Variants in ZNF441 observed in about 807,000 individuals in gnomAD.
The protein encoded by ZNF441 is zinc finger protein 441.
In ZNF441, 25 loss-of-function variants were observed where a neutral mutation model predicts 64.5. That is an observed-to-expected ratio of 0.39 (90% CI 0.28 to 0.54). ZNF441 has a LOEUF of 0.54. Among genes scored for constraint, ZNF441 ranks in the 20% least tolerant of loss-of-function variants. The pLI is 0.70. For missense variants in ZNF441, 715 were observed against 843.3 expected, an observed-to-expected ratio of 0.85 and a Z score of 1.88; for synonymous variants, 262 against 268.0, an observed-to-expected ratio of 0.98 and a Z score of 0.22.
intron 3 of ZNF441, among the ~76,000 whole-genome samples, chr19:11,779,318 C>CAAAA (rs67463970): frequency 1.9e-5 from 2 of 103,424 alleles, no homozygotes; most frequent in African/African-American, 3.2e-5. Flanking sequence ...AACCCAGTTT[C>CAAAA]AAAAAAAAAA....
At chr19:11,777,541 A>G (rs938140111) in intron 1 of ZNF441, 70 bp from the exon 2 acceptor site, 1 of 1,538,780 alleles carries the variant, frequency 6.5e-7, no homozygotes, top group Non-Finnish European at 8.8e-7. Context: ...TGTGAAGGTT[A>G]TGAAGTGAAT....
Position 11,780,557 on chromosome 19 carries a change from A to T in ZNF441, c.733A>T (p.Thr245Ser), listed in dbSNP as rs1975393043. 6.2e-6 allele frequency: 10 copies of T among 1,614,196 alleles called. No individual in the cohort carries two copies. Among genetic ancestry groups the T allele is most frequent in the Non-Finnish European group, 8.5e-6 (10 of 1,180,032 alleles). ...AYSSTLRHER[T>S]HSGEKPYQCK... ...TAGTTCCACTCTAAGACATGAAAGA[A>T]CACACAGTGGAGAGAAACCCTATCA... is the stretch of plus-strand genomic sequence containing the variant. Residue 245 changes from threonine to serine, a missense_variant, in exon 4 of 4, where the codon ACA becomes TCA. Physicochemically the swap from Thr to Ser is moderately conservative, Grantham distance 58. This residue lies in a region of ZNF441 where 399 missense variants were observed against 413.9 expected (regional missense o/e 0.96). Transcript: ENST00000357901.
Position 11,781,995 on chromosome 19 carries a change from G to T in ZNF441, c.*89G>T. Reference sequence around the variant, plus strand: ...ACATAAGAGACTCACACTGAAAAAAGTTGTATGAATATAAAAATGTACTAA... The same window carrying T: ...ACATAAGAGACTCACACTGAAAAAATTTGTATGAATATAAAAATGTACTAA... On this transcript the variant is annotated 3_prime_UTR_variant, in exon 4 of 4. Coordinates refer to ENST00000357901, the MANE Select transcript of ZNF441 (RefSeq NM_152355.3). 9.0e-7 allele frequency: 1 copy of T among 1,117,256 alleles called. No individual in the cohort carries two copies. The highest frequency in any genetic ancestry group is 1.2e-6 in the Non-Finnish European group (1 of 825,480). 69.2% of individuals were successfully genotyped at this position (1,117,256 alleles called of 1,614,324 possible). A position where few individuals can be genotyped will look rare whatever the true frequency, so the allele number is the denominator to read the frequency against.
rs1975409929 is a variant in ZNF441, at chr19:11,782,118, TTGTC to T, written c.*214_*217del. The T allele has an allele frequency of 2.3e-6, 1 of 434,890 alleles. No individual in the cohort carries two copies. Among genetic ancestry groups the T allele is most frequent in the Admixed American group, 3.9e-5 (1 of 25,790 alleles). The allele number at this position is 434,890 out of a possible 1,614,324, so 26.9% of individuals were successfully genotyped here. A position where few individuals can be genotyped will look rare whatever the true frequency, so the allele number is the denominator to read the frequency against. ...TGTGAGGAATATGAAAAAACTTTCT[TTGTC>T]TAGCAAACTTTCAAAGGTGGTTATT... is the stretch of plus-strand genomic sequence containing the variant. On this transcript the variant is annotated 3_prime_UTR_variant, in exon 4 of 4. Coordinates refer to ENST00000357901, the MANE Select transcript of ZNF441 (RefSeq NM_152355.3).
Position 11,780,621 on chromosome 19 carries a change from A to G in ZNF441, c.797A>G (p.Tyr266Cys), listed in dbSNP as rs1028319956. 1 of 1,614,106 alleles carries G rather than the reference A, an allele frequency of 6.2e-7. No homozygotes were observed. The highest frequency in any genetic ancestry group is 2.2e-5 in the East Asian group (1 of 44,872). Residue 266 changes from tyrosine to cysteine, a missense_variant, in exon 4 of 4, where the codon TAC becomes TGC. Around this residue, in one of 2 missense-constraint regions of ZNF441, gnomAD observed 399 missense variants for 413.9 expected, o/e 0.96. Coordinates refer to ENST00000357901, the MANE Select transcript of ZNF441 (RefSeq NM_152355.3). ...GGGAAAGCCTTCAGTTGTTCCTGTTACACTCAACTATATGAAAGGACTCAC... is the reference window on the plus strand; with the variant it reads ...GGGAAAGCCTTCAGTTGTTCCTGTTGCACTCAACTATATGAAAGGACTCAC... Reference protein sequence around the residue: ...QCGKAFSCSCYTQLYERTHTG... With the variant: ...QCGKAFSCSCCTQLYERTHTG...
At chr19:11,771,760 G>A (rs527950572) in intron 1 of ZNF441, among the ~76,000 whole-genome samples, 2 of 152,340 alleles carry the variant, frequency 1.3e-5, no homozygotes, top group African/African-American at 2.4e-5. Flanking sequence ...GTTGCCAGGC[G>A]GTCCGTGGTC....
intron 2 of ZNF441, 73 bp from the exon 3 acceptor site, chr19:11,778,257 T>G: frequency 9.6e-7 from 1 of 1,040,898 alleles, no homozygotes; most frequent in Non-Finnish European, 1.4e-6. Flanking sequence ...ATGATTGTAG[T>G]GTACATAAAA....
In ZNF441 at chr19:11,780,296, A is replaced by G. The variant is rs202095425; in HGVS notation, c.472A>G (p.Ile158Val). The G allele has an allele frequency of 4.3e-6, 7 of 1,614,214 alleles. No homozygotes were observed. The South Asian group carries it at 7.7e-5, about 18-fold the overall frequency. The change falls in exon 4 of 4, where the codon ATA (isoleucine) becomes GTA (valine). Residue 158 changes from isoleucine (I) to valine (V), a missense_variant. By Grantham distance (29) the Ile-to-Val change is conservative (BLOSUM62 3). Coordinates refer to ENST00000357901, the MANE Select transcript of ZNF441 (RefSeq NM_152355.3). Reference protein sequence around the residue: ...TAFSYQPCFQIHERPQHGKKL... With the variant: ...TAFSYQPCFQVHERPQHGKKL... ...TTTCAGTTATCAGCCCTGCTTTCAA[A>G]TACATGAAAGACCTCAGCATGGAAA...
chr19:11,771,704 G>A (rs404724), intron 1 of ZNF441, among the ~76,000 whole-genome samples: 75,824 of 152,002 alleles, frequency 0.5, 20,754 homozygotes, highest in African/African-American at 0.75. Flanking sequence ...GGGCCACCAG[G>A]GGGCTCCTTG....
chr19:11,778,091 TTC>T lies in ZNF441; in HGVS notation c.131-237_131-236del, dbSNP rs778588364. The T allele has an allele frequency of 1.5e-5, 7 of 465,348 alleles. No homozygotes were observed. In the South Asian group the frequency reaches 2.0e-4, roughly 13 times the overall value. The allele number at this position is 465,348 out of a possible 1,614,324, so 28.8% of individuals were successfully genotyped here. On this transcript the variant is annotated intron_variant, in intron 2 of 3. Transcript: ENST00000357901. ...AAAATACAACATTACAAAGTTTTCA[TTC>T]TGATTGTCTTTACATTGAGTAGACT...
At chr19:11,768,419 T>G (rs745782882) in intron 1 of ZNF441, among the ~76,000 whole-genome samples, 19 of 152,246 alleles carry the variant, frequency 1.2e-4, no homozygotes, top group Non-Finnish European at 2.4e-4. Context: ...AAATAAAATC[T>G]TTGTTACTGT....
Position 11,782,686 on chromosome 19 carries a change from T to C in ZNF441, c.*780T>C, listed in dbSNP as rs1202972013. ...ATTGCAGCTGCTTTAGCTACAAATA[T>C]TATAGGAAGCTGTTCCTTCTTTTTC... is the stretch of plus-strand genomic sequence containing the variant. On this transcript the variant is annotated 3_prime_UTR_variant, in exon 4 of 4. Coordinates refer to ENST00000357901, the MANE Select transcript of ZNF441 (RefSeq NM_152355.3). The C allele has an allele frequency of 6.6e-6, 1 of 152,178 alleles. No homozygotes were observed. The highest frequency in any genetic ancestry group is 6.5e-5 in the Admixed American group (1 of 15,272). 9.4% of individuals were successfully genotyped at this position (152,178 alleles called of 1,614,324 possible).
intron 1 of ZNF441, among the ~76,000 whole-genome samples, chr19:11,768,244 C>T (rs1190338890): frequency 6.6e-6 from 1 of 152,082 alleles, no homozygotes; most frequent in Non-Finnish European, 1.5e-5. Flanking sequence ...ACTCCTTGTC[C>T]CCCAGTTTAT....
chr19:11,775,131 G>A (rs1451790985), intron 1 of ZNF441, among the ~76,000 whole-genome samples: 2 of 152,214 alleles, frequency 1.3e-5, no homozygotes, highest in Non-Finnish European at 2.9e-5. Flanking sequence ...GGATGGGTCT[G>A]TGATGTAGTA....
chr19:11,776,746 A>G (rs1256775230), intron 1 of ZNF441, among the ~76,000 whole-genome samples: 2 of 152,088 alleles, frequency 1.3e-5, no homozygotes, highest in Non-Finnish European at 2.9e-5. Context: ...GTCACATAGC[A>G]CAGGCTAAAT....
At chr19:11,775,631 T>TTG (rs1166032900) in intron 1 of ZNF441, among the ~76,000 whole-genome samples, 1 of 143,238 alleles carries the variant, frequency 7.0e-6, no homozygotes, top group African/African-American at 2.6e-5. Flanking sequence ...GCCCAGCCTT[T>TTG]TTTTTTTTTT....
In ZNF441 at chr19:11,783,110, T is replaced by G. The variant is rs1975416756; in HGVS notation, c.*1204T>G. Reference sequence around the variant, plus strand: ...ACATCTCAACAGCAAAAAATATAAATAATCCCATTAAAGTGGGAAAAGGAT... The same window carrying G: ...ACATCTCAACAGCAAAAAATATAAAGAATCCCATTAAAGTGGGAAAAGGAT... On this transcript the variant is annotated 3_prime_UTR_variant, in exon 4 of 4. Transcript: ENST00000357901. The G allele has an allele frequency of 6.6e-6, 1 of 151,950 alleles. No homozygotes were observed. 9.4% of individuals were successfully genotyped at this position (151,950 alleles called of 1,614,324 possible). A position where few individuals can be genotyped will look rare whatever the true frequency, so the allele number is the denominator to read the frequency against.
At chr19:11,773,238 C>T (rs1975329736) in intron 1 of ZNF441, among the ~76,000 whole-genome samples, 1 of 152,070 alleles carries the variant, frequency 6.6e-6, no homozygotes, top group African/African-American at 2.4e-5. Context: ...CTTAAATCTC[C>T]AGGTTTTTAG....
chr19:11,778,668 G>T (rs1219337007), intron 3 of ZNF441, among the ~76,000 whole-genome samples: 2 of 152,122 alleles, frequency 1.3e-5, no homozygotes, highest in Non-Finnish European at 2.9e-5. Context: ...TGTTTGACCA[G>T]ACTCATCTCC....
Sources: allele counts gnomAD v4.1 joint callset (sites outside exome capture counted in the v4.1 genomes callset), GRCh38; gene constraint gnomAD v4.1.1; regional missense constraint gnomAD v4.1.1; transcripts MANE v1.5; gene names NCBI Gene and HGNC (gene_info 2026-07-23, HGNC 2026-07-21).